Variants in IGF2BP2 observed in about 807,000 individuals in gnomAD.
IGF2BP2 encodes the protein insulin-like growth factor 2 mRNA-binding protein 2.
IGF2BP2 carries 17 observed loss-of-function variants against 75.8 expected under a neutral mutation model. The ratio of observed to expected loss-of-function variants is 0.22; its 90% CI spans 0.15 to 0.34. The LOEUF is 0.34. Ranked by LOEUF, IGF2BP2 falls within the 10% of genes least tolerant of loss-of-function variation. The pLI, the probability that IGF2BP2 is intolerant of heterozygous loss-of-function variation, is 1.00. For missense variants in IGF2BP2, 516 were observed against 772.4 expected (o/e 0.67, Z 3.93); for synonymous variants, 288 against 295.6 (o/e 0.97, Z 0.26).
chr3:185,792,865 A>G (rs751625562), intron 2 of IGF2BP2, among the ~76,000 whole-genome samples: 16 of 151,904 alleles, frequency 1.1e-4, no homozygotes, highest in Non-Finnish European at 1.9e-4. Flanking sequence ...GCGAAGAACT[A>G]GTAGCACTGG....
At chr3:185,776,698 G>A (rs575464502) in intron 2 of IGF2BP2, among the ~76,000 whole-genome samples, 38 of 152,308 alleles carry the variant, frequency 2.5e-4, no homozygotes, top group African/African-American at 9.1e-4. Context: ...TGAAGGTAAC[G>A]AAGATGGACC....
At chr3:185,800,718 A>AAAAAGAAAGAAAGAAAGAAAG (rs771868332) in intron 2 of IGF2BP2, among the ~76,000 whole-genome samples, 13,761 of 142,938 alleles carry the variant, frequency 0.096, 712 homozygotes, top group Non-Finnish European at 0.11. Context: ...GAGCCAAAAA[A>AAAAAGAAAGAAAGAAAGAAAG]AAAGAAAGAA....
intron 2 of IGF2BP2, among the ~76,000 whole-genome samples, chr3:185,711,017 T>G (rs1724721362): frequency 6.6e-6 from 1 of 152,188 alleles, no homozygotes; most frequent in African/African-American, 2.4e-5. Context: ...AACTACTTTT[T>G]AAAACCTTGA....
chr3:185,705,239 G>T (rs1402931540), intron 2 of IGF2BP2, among the ~76,000 whole-genome samples: 2 of 152,206 alleles, frequency 1.3e-5, no homozygotes, highest in Non-Finnish European at 2.9e-5. Flanking sequence ...TGGGACTACA[G>T]GTGCGTACCA....
intron 2 of IGF2BP2, among the ~76,000 whole-genome samples, chr3:185,748,581 T>G (rs1279901378): frequency 6.6e-6 from 1 of 152,176 alleles, no homozygotes; most frequent in Non-Finnish European, 1.5e-5. Context: ...GCATAATATA[T>G]AACAATCATT....
chr3:185,795,281 C>A (rs960919914), intron 2 of IGF2BP2, among the ~76,000 whole-genome samples: 1 of 152,164 alleles, frequency 6.6e-6, no homozygotes, highest in Non-Finnish European at 1.5e-5. Flanking sequence ...ATGGCTCATC[C>A]ATGTGGTAAC....
intron 2 of IGF2BP2, among the ~76,000 whole-genome samples, chr3:185,762,107 G>A (rs922056740): frequency 2.0e-5 from 3 of 152,152 alleles, no homozygotes; most frequent in Non-Finnish European, 4.4e-5. Flanking sequence ...GAGACCCAAG[G>A]CCAGATGCGG....
At chr3:185,784,894 G>A (rs1373629596) in intron 2 of IGF2BP2, among the ~76,000 whole-genome samples, 1 of 152,224 alleles carries the variant, frequency 6.6e-6, no homozygotes, top group Non-Finnish European at 1.5e-5. Context: ...GGCAAGTCAG[G>A]ATGACCTAAA....
intron 7 of IGF2BP2, among the ~76,000 whole-genome samples, chr3:185,684,627 G>C (rs183597209): frequency 6.6e-6 from 1 of 152,036 alleles, no homozygotes; most frequent in Non-Finnish European, 1.5e-5. Context: ...GGCTGGTCTC[G>C]AACTCCTGGC....
intron 2 of IGF2BP2, among the ~76,000 whole-genome samples, chr3:185,786,001 T>C (rs980788978): frequency 1.3e-5 from 2 of 152,358 alleles, no homozygotes; most frequent in South Asian, 2.1e-4. Context: ...ATAAGATACA[T>C]GTCCTGTCTT....
Position 185,672,610 on chromosome 3 carries a change from T to C in IGF2BP2, c.1131A>G (p.Gly377=). 6.2e-7 allele frequency: 1 copy of C among 1,613,936 alleles called. No individual in the cohort carries two copies. The highest frequency in any genetic ancestry group is 1.1e-5 in the South Asian group (1 of 91,062). ...NLSALGIFST[G]LSVLSPPAGP... ...CTGCTGGTGGAGATAGCACGGACAG[T>C]CCTGTTGAAAAGATGCCAAGTGCGC... is the stretch of plus-strand genomic sequence containing the variant. Residue 377 remains glycine, a synonymous_variant, in exon 10 of 16, where the codon GGA becomes GGG. Transcript: ENST00000382199.
At chr3:185,811,351 G>A (rs1739796832) in intron 2 of IGF2BP2, among the ~76,000 whole-genome samples, 1 of 152,102 alleles carries the variant, frequency 6.6e-6, no homozygotes, top group Non-Finnish European at 1.5e-5. Flanking sequence ...CTATGTGTAA[G>A]GGATACTAAA....
At chr3:185,665,961 T>C (rs1300495360) in intron 10 of IGF2BP2, among the ~76,000 whole-genome samples, 1 of 151,682 alleles carries the variant, frequency 6.6e-6, no homozygotes, top group Admixed American at 6.6e-5. Context: ...AGCGAGACTC[T>C]GTCTCTAGAT....
intron 2 of IGF2BP2, among the ~76,000 whole-genome samples, chr3:185,744,145 T>G (rs1729933976): frequency 1.3e-5 from 2 of 152,194 alleles, no homozygotes; most frequent in Non-Finnish European, 1.5e-5. Context: ...TGATGGAAAT[T>G]TTAAGGTTTG....
At chr3:185,677,050 TATATATATATATATATATAGAG>T in intron 7 of IGF2BP2, among the ~76,000 whole-genome samples, 1 of 47,978 alleles carries the variant, frequency 2.1e-5, no homozygotes, top group South Asian at 8.2e-4. Flanking sequence ...TGGAGATATA[TATATATATATATATATATAGAG>T]AGAGAGAGAG....
At chr3:185,723,897 G>A (rs1200277746) in intron 2 of IGF2BP2, among the ~76,000 whole-genome samples, 2 of 152,210 alleles carry the variant, frequency 1.3e-5, no homozygotes, top group Non-Finnish European at 2.9e-5. Context: ...CAGTGATCCT[G>A]CAGAGAAAAC....
At chr3:185,767,661 A>G (rs1054024035) in intron 2 of IGF2BP2, among the ~76,000 whole-genome samples, 2 of 152,038 alleles carry the variant, frequency 1.3e-5, no homozygotes, top group African/African-American at 4.8e-5. Context: ...TTCTACTTGG[A>G]AAAAAAAGTT....
At chr3:185,771,354 T>C (rs1347265953) in intron 2 of IGF2BP2, among the ~76,000 whole-genome samples, 1 of 57,322 alleles carries the variant, frequency 1.7e-5, no homozygotes, top group African/African-American at 7.5e-5. Flanking sequence ...GGCAGGAGAA[T>C]CACGTGAACC....
At chr3:185,821,183 A>T (rs1360112087) in intron 2 of IGF2BP2, 3 of 1,422,830 alleles carry the variant, frequency 2.1e-6, no homozygotes, top group Admixed American at 5.9e-5. Flanking sequence ...AAAGGAAAAA[A>T]AAATTAAAAC....
Sources: allele counts gnomAD v4.1 joint callset (sites outside exome capture counted in the v4.1 genomes callset), GRCh38; gene constraint gnomAD v4.1.1; transcripts MANE v1.5; gene names NCBI Gene and HGNC (gene_info 2026-07-23, HGNC 2026-07-21).